The following RBM28 variants were observed in gnomAD, a reference collection of about 807,000 sequenced individuals.
RBM28 encodes the protein RNA binding motif protein 28.
In RBM28, 78 loss-of-function variants were observed where a neutral mutation model predicts 98.3. The ratio of observed to expected loss-of-function variants is 0.79; its 90% confidence interval spans 0.66 to 0.96. The LOEUF is 0.96. Ranked by LOEUF, RBM28 falls within the 40% of genes least tolerant of loss-of-function variation. The pLI is 0.00. For missense variants in RBM28, 838 were observed against 913.0 expected (o/e 0.92, Z 1.06); for synonymous variants, 306 against 330.9 (o/e 0.92, Z 0.82).
At chr7:128,328,148 A>G (rs1035586453) in intron 10 of RBM28, among the ~76,000 whole-genome samples, 5 of 152,222 alleles carry the variant, frequency 3.3e-5, no homozygotes, top group Non-Finnish European at 5.9e-5. Context: ...AATGACCACA[A>G]TTCTTATCTG....
intron 6 of RBM28, 42 bp downstream of exon 6, chr7:128,337,089 G>T: frequency 6.3e-7 from 1 of 1,590,728 alleles, no homozygotes; most frequent in Non-Finnish European, 8.6e-7. Context: ...TCTCACCCAG[G>T]TTATACAACG....
intron 8 of RBM28, among the ~76,000 whole-genome samples, chr7:128,335,218 T>G (rs1796570398): frequency 6.6e-6 from 1 of 152,222 alleles, no homozygotes. Context: ...TATAAGATGC[T>G]GTTTACCTGG....
intron 18 of RBM28, 64 bp downstream of exon 18, chr7:128,313,111 A>G: frequency 6.6e-7 from 1 of 1,514,770 alleles, no homozygotes; most frequent in Non-Finnish European, 9.2e-7. Flanking sequence ...TAACCAAGGT[A>G]CAAACATGGC....
At chr7:128,326,637 C>T (rs929387272) in intron 10 of RBM28, among the ~76,000 whole-genome samples, 1 of 152,164 alleles carries the variant, frequency 6.6e-6, no homozygotes, top group Non-Finnish European at 1.5e-5. Flanking sequence ...ATGACATTCA[C>T]ACAATGACAA....
chr7:128,321,271 T>C lies in RBM28; in HGVS notation c.1558A>G (p.Lys520Glu). 6.2e-7 allele frequency: 1 copy of C among 1,614,180 alleles called. No individual in the cohort carries two copies. The highest frequency in any genetic ancestry group is 8.5e-7 in the Non-Finnish European group (1 of 1,180,010). ...TGGTCAGGGCCACGTCTCACCTCCT[T>C]GATGCGCACCCCTTTCTCTCCACTA... Reference protein sequence around the residue: ...ATSGEKGVRIKECRVMRDLKG... With the variant: ...ATSGEKGVRIEECRVMRDLKG... The change falls in exon 14 of 19, where the codon AAG becomes GAG. Residue 520 changes from lysine to glutamate, a missense_variant. Physicochemically the swap from Lys to Glu is moderately conservative, Grantham distance 56. Coordinates refer to ENST00000223073, the MANE Select transcript of RBM28 (RefSeq NM_018077.3).
At chr7:128,330,336 G>A (rs1796451042) in intron 10 of RBM28, among the ~76,000 whole-genome samples, 1 of 148,440 alleles carries the variant, frequency 6.7e-6, no homozygotes. Flanking sequence ...AAGATGCTGA[G>A]TGTGACACCA....
Position 128,307,481 on chromosome 7 carries a change from A to G in RBM28, c.*3316T>C, listed in dbSNP as rs985538096. On this transcript the variant is annotated 3_prime_UTR_variant, in exon 19 of 19. Coordinates refer to ENST00000223073, the MANE Select transcript of RBM28 (RefSeq NM_018077.3). ...TTTCAAGACAAAAACATACCAAAGT[A>G]CATTTTGAAGTATTTCGAAGAATGA... The G allele has an allele frequency of 4.6e-5, 7 of 152,338 alleles. No individual in the cohort carries two copies. The highest frequency in any genetic ancestry group is 4.6e-4 in the Admixed American group (7 of 15,306). 9.4% of individuals were successfully genotyped at this position (152,338 alleles called of 1,614,324 possible).
At chr7:128,313,053 A>G (rs1161687870) in intron 18 of RBM28, 122 bp downstream of exon 18, 7 of 984,162 alleles carry the variant, frequency 7.1e-6, no homozygotes, top group African/African-American at 3.2e-5. Flanking sequence ...TTCTCTAAAA[A>G]GCTACCGTCC....
At chr7:128,317,620 T>C in intron 16 of RBM28, 39 bp downstream of exon 16, 1 of 1,433,032 alleles carries the variant, frequency 7.0e-7, no homozygotes, top group Non-Finnish European at 9.8e-7. Context: ...AATAGAAGAG[T>C]TTATGTCCTT....
chr7:128,325,402 A>G (rs981595317), intron 11 of RBM28, among the ~76,000 whole-genome samples: 2 of 152,240 alleles, frequency 1.3e-5, no homozygotes, highest in Admixed American at 1.3e-4. Context: ...GCAATATTAG[A>G]TAACATTATA....
At chr7:128,335,713 G>A (rs1359080811) in intron 7 of RBM28, 34 bp from the exon 8 acceptor site, 2 of 1,614,020 alleles carry the variant, frequency 1.2e-6, no homozygotes, top group Admixed American at 1.7e-5. Flanking sequence ...AAGGAGGTGG[G>A]CTGACAGAGG....
chr7:128,321,785 T>C (rs752106474), intron 13 of RBM28, among the ~76,000 whole-genome samples: 60 of 152,140 alleles, frequency 3.9e-4, no homozygotes, highest in Non-Finnish European at 6.9e-4. Context: ...GGGTGGCTCA[T>C]GCCTGTAATC....
chr7:128,312,537 G>A (rs1346464007), intron 18 of RBM28, among the ~76,000 whole-genome samples: 1 of 152,250 alleles, frequency 6.6e-6, no homozygotes, highest in East Asian at 1.9e-4. Context: ...AATTAAAAAT[G>A]TAACACAAAT....
intron 2 of RBM28, 129 bp from the exon 3 acceptor site, chr7:128,339,450 G>A: frequency 8.9e-7 from 1 of 1,126,342 alleles, no homozygotes; most frequent in South Asian, 1.4e-5. Flanking sequence ...ATAATACCAA[G>A]GAATACCAGA....
intron 1 of RBM28, among the ~76,000 whole-genome samples, chr7:128,341,420 T>A (rs1472464297): frequency 6.6e-6 from 1 of 152,254 alleles, no homozygotes; most frequent in African/African-American, 2.4e-5. Flanking sequence ...ACATTTTACA[T>A]GTCTGCATAA....
rs561949834 is a variant in RBM28 at position 128,324,658 on chromosome 7, C to T, written c.1240G>A (p.Val414Ile). The change falls in exon 12 of 19, where the codon GTT becomes ATT. Residue 414 changes from valine to isoleucine, a missense_variant. Val to Ile is a conservative substitution (Grantham distance 29). Coordinates refer to ENST00000223073, the MANE Select transcript of RBM28 (RefSeq NM_018077.3). The stretch of plus-strand genomic sequence containing the variant: ...TCATCACGGGTCACCGCCAAGTCAA[C>T]CTTGAGCTGCCGGCCATCCAGTTTA... ...GLKLDGRQLK[V>I]DLAVTRDEAA... 1.9e-6 allele frequency: 3 copies of T among 1,614,186 alleles called. No homozygotes were observed. The South Asian group carries it at 3.3e-5, about 18-fold the overall frequency.
intron 13 of RBM28, among the ~76,000 whole-genome samples, 171 bp from the exon 14 acceptor site, chr7:128,321,595 T>A (rs895307346): frequency 3.3e-5 from 5 of 152,002 alleles, no homozygotes; most frequent in African/African-American, 1.2e-4. Flanking sequence ...GAAAGAAAAG[T>A]CCAAGGGAAC....
chr7:128,339,997 T>C (rs574396985), intron 1 of RBM28, among the ~76,000 whole-genome samples: 1 of 152,312 alleles, frequency 6.6e-6, no homozygotes, highest in South Asian at 2.1e-4. Flanking sequence ...GCTTAGAAAC[T>C]GTTAGCCTTC....
In RBM28 at chr7:128,343,814, G is replaced by GC; in HGVS notation, c.-22dup. 6.5e-7 allele frequency: 1 copy of GC among 1,547,580 alleles called. No individual in the cohort carries two copies. The highest frequency in any genetic ancestry group is 8.8e-7 in the Non-Finnish European group (1 of 1,140,756). ...GCCATGAGACCGGGAAACCCAAAGC[G>GC]CGTGAGGACGCGAGCAAACTAGGCC... On this transcript the variant is annotated 5_prime_UTR_variant, in exon 1 of 19. Coordinates refer to ENST00000223073, the MANE Select transcript of RBM28 (RefSeq NM_018077.3).
Sources: gnomAD v4.1 joint callset for allele counts (sites outside exome capture counted in the v4.1 genomes callset) on GRCh38, gnomAD v4.1.1 for gene constraint, MANE v1.5 for transcripts, NCBI Gene and HGNC (gene_info 2026-07-23, HGNC 2026-07-21) for gene names.